Variants in TENM2 observed in about 807,000 individuals in gnomAD.
TENM2 encodes teneurin-2.
Under a neutral mutation model 245.2 loss-of-function variants are expected in TENM2, and 52 were observed. That is an observed-to-expected ratio of 0.21 (90% CI 0.17 to 0.27). The LOEUF (loss-of-function observed/expected upper bound fraction) is 0.27, where lower values mean the gene tolerates loss of function less well. Ranked by LOEUF, TENM2 falls within the 10% of genes least tolerant of loss-of-function variation. The pLI is 1.00. For missense variants in TENM2, 3,046 were observed against 3,666.8 expected (o/e 0.83, Z 4.37); for synonymous variants, 1,363 against 1,438.9 (o/e 0.95, Z 1.19).
chr5:168,223,681 G>T (rs372413400), intron 23 of TENM2, among the ~76,000 whole-genome samples: 1 of 151,842 alleles, frequency 6.6e-6, no homozygotes, highest in African/African-American at 2.4e-5. Flanking sequence ...TGGCCAAGAT[G>T]GTCTCAGTCT....
intron 2 of TENM2, among the ~76,000 whole-genome samples, chr5:167,597,984 G>T (rs940303036): frequency 1.3e-5 from 2 of 152,150 alleles, no homozygotes; most frequent in African/African-American, 4.8e-5. Context: ...GTGAATAACA[G>T]AATACAACAC....
chr5:167,581,046 G>C (rs945947656), intron 2 of TENM2, among the ~76,000 whole-genome samples: 2 of 152,120 alleles, frequency 1.3e-5, no homozygotes, highest in Non-Finnish European at 2.9e-5. Context: ...TCATATTCAC[G>C]TACATCAGTT....
chr5:167,359,101 T>C (rs1759539170), intron 1 of TENM2, among the ~76,000 whole-genome samples: 1 of 152,198 alleles, frequency 6.6e-6, no homozygotes, highest in Non-Finnish European at 1.5e-5. Context: ...CCTTTACTAC[T>C]CTTTGCAGCA....
chr5:167,657,930 C>T (rs1018930253), intron 2 of TENM2, among the ~76,000 whole-genome samples: 6 of 152,170 alleles, frequency 3.9e-5, no homozygotes, highest in Admixed American at 6.5e-5. Context: ...ATGTTTGTGT[C>T]CTCTTCCAGA....
chr5:167,930,453 T>TTTTATTTATTTATTTA (rs142148292), intron 3 of TENM2, among the ~76,000 whole-genome samples: 5 of 148,112 alleles, frequency 3.4e-5, no homozygotes, highest in African/African-American at 1.0e-4. Context: ...TTTCTTAGAA[T>TTTTATTTATTTATTTA]TTTATTTATT....
At chr5:168,223,444 A>T (rs1763845277) in intron 23 of TENM2, among the ~76,000 whole-genome samples, 1 of 151,620 alleles carries the variant, frequency 6.6e-6, no homozygotes, top group African/African-American at 2.4e-5. Flanking sequence ...TTTATTAAAC[A>T]TGAAAGTATT....
At chr5:167,038,850 T>C in the TENM2 span, among the ~76,000 whole-genome samples, 23 of 152,306 alleles carry the variant, frequency 1.5e-4, no homozygotes, top group Middle Eastern at 3.4e-3. Context: ...ACTCAGTTTT[T>C]ATTTGAGATT....
chr5:167,166,798 C>G, the TENM2 span, among the ~76,000 whole-genome samples: 1 of 152,046 alleles, frequency 6.6e-6, no homozygotes, highest in Admixed American at 6.6e-5. Context: ...TTATAATGTT[C>G]CATTCTCATA....
At chr5:168,198,809 A>C in intron 15 of TENM2, 44 bp from the exon 18 acceptor site, 1 of 1,595,988 alleles carries the variant, frequency 6.3e-7, no homozygotes, top group Non-Finnish European at 8.6e-7. Flanking sequence ...GCCTTGTCTA[A>C]AAGTGAGTCT....
chr5:167,194,665 C>CT, the TENM2 span, among the ~76,000 whole-genome samples: 1 of 151,964 alleles, frequency 6.6e-6, no homozygotes, highest in Non-Finnish European at 1.5e-5. Flanking sequence ...GTCACACACT[C>CT]TAACTTTTGG....
At chr5:167,501,007 A>T (rs1486516034) in intron 2 of TENM2, among the ~76,000 whole-genome samples, 1 of 152,124 alleles carries the variant, frequency 6.6e-6, no homozygotes, top group African/African-American at 2.4e-5. Flanking sequence ...GTGATAACCA[A>T]GTGTGGGCCT....
chr5:167,331,256 C>T (rs1425686652), intron 1 of TENM2, among the ~76,000 whole-genome samples: 1 of 125,332 alleles, frequency 8.0e-6, no homozygotes, highest in East Asian at 2.6e-4. Flanking sequence ...AAAAAAAAGA[C>T]AAGAAAAAAG....
rs550812713 is a variant in TENM2 at position 167,448,288 on chromosome 5, G to T, written c.502+72815G>T. Among the ~76,000 whole-genome samples, 4 of 152,054 alleles carry T rather than the reference G, an allele frequency of 2.6e-5. No individual in the cohort carries two copies. In the South Asian group the frequency reaches 6.2e-4, roughly 24 times the overall value. On this transcript the variant is annotated intron_variant, in intron 2 of 28. Coordinates refer to ENST00000518659, the Ensembl canonical transcript of TENM2. Reference sequence around the variant, plus strand: ...GGGCAATTGTGCAAATGGTGAGGGTGGTGGAAGAAAGTTTTCACCACGAGC... The same window carrying T: ...GGGCAATTGTGCAAATGGTGAGGGTTGTGGAAGAAAGTTTTCACCACGAGC...
At chr5:167,142,740 C>T in the TENM2 span, among the ~76,000 whole-genome samples, 6 of 152,036 alleles carry the variant, frequency 3.9e-5, no homozygotes, top group Admixed American at 6.5e-5. Flanking sequence ...TTAGTAGAGA[C>T]GGGGTTTCAC....
At chr5:168,169,470 A>G (rs1003724196) in intron 13 of TENM2, among the ~76,000 whole-genome samples, 9 of 152,206 alleles carry the variant, frequency 5.9e-5, no homozygotes, top group African/African-American at 2.2e-4. Context: ...CTAAATGAGG[A>G]GAAATAACAC....
At chr5:168,115,769 G>C (rs2152328363) in intron 9 of TENM2, among the ~76,000 whole-genome samples, 1 of 152,318 alleles carries the variant, frequency 6.6e-6, no homozygotes, top group East Asian at 1.9e-4. Context: ...CTGTTACCTA[G>C]ATCAGAAATG....
intron 25 of TENM2, among the ~76,000 whole-genome samples, chr5:168,237,814 T>C (rs1203402629): frequency 6.6e-6 from 1 of 151,868 alleles, no homozygotes; most frequent in Non-Finnish European, 1.5e-5. Context: ...AATGTAGCAT[T>C]GAGTCTTGTT....
chr5:167,830,316 T>C (rs1768358101), intron 2 of TENM2, among the ~76,000 whole-genome samples: 1 of 152,220 alleles, frequency 6.6e-6, no homozygotes, highest in South Asian at 2.1e-4. Flanking sequence ...TGCTTGATAA[T>C]GTTTTTTTAT....
At chr5:167,860,246 TCAGCCCCCCCGCCCGGC>T (rs1771636461) in intron 2 of TENM2, among the ~76,000 whole-genome samples, 1 of 59,992 alleles carries the variant, frequency 1.7e-5, no homozygotes. Context: ...TGGGGGGGGG[TCAGCCCCCCCGCCCGGC>T]CAGCCGCCCC....
Sources: allele counts gnomAD v4.1 joint callset (sites outside exome capture counted in the v4.1 genomes callset), GRCh38; gene constraint gnomAD v4.1.1; transcripts MANE v1.5; gene names NCBI Gene and HGNC (gene_info 2026-07-23, HGNC 2026-07-21).